Variants in FBXO25 observed in about 807,000 individuals in gnomAD.
FBXO25 encodes the protein F-box protein 25, also known as F-box only protein 25.
Under a neutral mutation model 51.9 loss-of-function variants are expected in FBXO25, and 45 were observed. The observed-to-expected ratio is 0.87, with a 90% CI of 0.68 to 1.11. The LOEUF (loss-of-function observed/expected upper bound fraction) is 1.11. Ranked by LOEUF, FBXO25 falls within the 50% of genes most tolerant of loss-of-function variation. The pLI is 0.00. For missense variants in FBXO25, 507 were observed against 428.5 expected, an observed-to-expected ratio of 1.18 and a Z score of -1.62; for synonymous variants, 199 against 151.0, an observed-to-expected ratio of 1.32 and a Z score of -2.33.
chr8:464,845 TTC>T (rs1013187990), intron 9 of FBXO25, among the ~76,000 whole-genome samples: 3 of 152,236 alleles, frequency 2.0e-5, no homozygotes, highest in African/African-American at 4.8e-5. Context: ...TTGGTATGAC[TTC>T]TCTCTTTCCT....
chr8:468,147 C>T (rs972145337), intron 9 of FBXO25: 2 of 1,030,766 alleles, frequency 1.9e-6, no homozygotes, highest in South Asian at 4.1e-5. Context: ...TCTGTCGTCA[C>T]TTCTCATATT....
intron 1 of FBXO25, among the ~76,000 whole-genome samples, chr8:409,853 A>G (rs1312615098): frequency 6.6e-6 from 1 of 152,204 alleles, no homozygotes; most frequent in Non-Finnish European, 1.5e-5. Flanking sequence ...ACGTTTAATT[A>G]CTGACAGAAT....
At chr8:439,879 G>A (rs1422249171) in intron 5 of FBXO25, among the ~76,000 whole-genome samples, 4 of 152,224 alleles carry the variant, frequency 2.6e-5, no homozygotes. Flanking sequence ...GCCAGCCTGG[G>A]CAACATAGGG....
At chr8:444,280 ATGT>A in intron 5 of FBXO25, among the ~76,000 whole-genome samples, 1 of 152,256 alleles carries the variant, frequency 6.6e-6, no homozygotes, top group Non-Finnish European at 1.5e-5. Flanking sequence ...GAGGTAGTGG[ATGT>A]TGTTGTTTCT....
At position 474,487 on chromosome 8, in the gene FBXO25, C is replaced by T. The variant is rs944977790; in HGVS notation, c.*5683C>T. 22 of 330,662 alleles carry T rather than the reference C, an allele frequency of 6.7e-5. No individual in the cohort carries two copies. Among genetic ancestry groups the T allele is most frequent in the Admixed American group, 1.9e-4 (4 of 21,418 alleles). The allele number at this position is 330,662 out of a possible 1,614,324, so 20.5% of individuals were successfully genotyped here. A position where few individuals can be genotyped will look rare whatever the true frequency, so the allele number is the denominator to read the frequency against. ...AGGGCACTGCCATAAGTGTTTTACA[C>T]GGTGGCTGCACCATTTTACATTCCC... On this transcript the variant is annotated 3_prime_UTR_variant, in exon 10 of 10. Coordinates refer to ENST00000350302, the MANE Select transcript of FBXO25 (RefSeq NM_183420.2).
rs1316089079 is a variant in FBXO25, at chr8:474,762, A to G, written c.*5958A>G. On this transcript the variant is annotated 3_prime_UTR_variant, in exon 10 of 10. Coordinates refer to ENST00000350302, the MANE Select transcript of FBXO25 (RefSeq NM_183420.2). Reference sequence around the variant, plus strand: ...GGTATTCACCCTTTTCAGATATATCATTTTAAAATACTTTGTCCCATTCCG... The same window carrying G: ...GGTATTCACCCTTTTCAGATATATCGTTTTAAAATACTTTGTCCCATTCCG... 2.2e-6 allele frequency: 1 copy of G among 456,566 alleles called. No individual in the cohort carries two copies. The highest frequency in any genetic ancestry group is 6.9e-5 in the East Asian group (1 of 14,410). The allele number at this position is 456,566 out of a possible 1,614,324, so 28.3% of individuals were successfully genotyped here. A position where few individuals can be genotyped will look rare whatever the true frequency, so the allele number is the denominator to read the frequency against.
At chr8:415,009 G>A (rs1796712102) in intron 2 of FBXO25, among the ~76,000 whole-genome samples, 1 of 152,078 alleles carries the variant, frequency 6.6e-6, no homozygotes, top group South Asian at 2.1e-4. Context: ...CCTTTCTCTG[G>A]AAGGAAAAAC....
chr8:467,019 C>T (rs1234784400), intron 9 of FBXO25, among the ~76,000 whole-genome samples: 1 of 152,184 alleles, frequency 6.6e-6, no homozygotes, highest in East Asian at 1.9e-4. Context: ...GGCTGGCCAT[C>T]TGACGTTCAC....
rs1327477915 is a variant in FBXO25 at position 449,903 on chromosome 8, C to A, written c.382-87C>A. Reference sequence around the variant, plus strand: ...TAATTTAGGATGGCATGTTAGAAATCTTCATGCATGTGTGTTATATCACTG... The same window carrying A: ...TAATTTAGGATGGCATGTTAGAAATATTCATGCATGTGTGTTATATCACTG... On this transcript the variant is annotated intron_variant, in intron 5 of 9. Coordinates refer to ENST00000350302, the MANE Select transcript of FBXO25 (RefSeq NM_183420.2). The A allele has an allele frequency of 3.1e-5, 27 of 882,512 alleles. 1 individual carries two copies. The South Asian group carries it at 3.6e-4, about 12-fold the overall frequency. 54.7% of individuals were successfully genotyped at this position (882,512 alleles called of 1,614,324 possible).
At chr8:418,616 A>G (rs1796960684) in intron 2 of FBXO25, among the ~76,000 whole-genome samples, 1 of 152,132 alleles carries the variant, frequency 6.6e-6, no homozygotes. Flanking sequence ...CTGGGATTAC[A>G]TGCGTGAGCC....
intron 2 of FBXO25, among the ~76,000 whole-genome samples, chr8:418,962 A>C (rs557477068): frequency 3.9e-5 from 6 of 152,326 alleles, no homozygotes; most frequent in African/African-American, 1.4e-4. Flanking sequence ...GTATTTTCAC[A>C]ATGTAAAGTA....
In FBXO25 at chr8:472,365, C is replaced by A. The variant is rs1046028006; in HGVS notation, c.*3561C>A. 5.3e-5 allele frequency: 8 copies of A among 152,178 alleles called. No homozygotes were observed. The highest frequency in any genetic ancestry group is 4.6e-4 in the Admixed American group (7 of 15,278). The allele number at this position is 152,178 out of a possible 1,614,324, so 9.4% of individuals were successfully genotyped here. A position where few individuals can be genotyped will look rare whatever the true frequency, so the allele number is the denominator to read the frequency against. On this transcript the variant is annotated 3_prime_UTR_variant, in exon 10 of 10. Transcript: ENST00000350302. Reference sequence around the variant, plus strand: ...GTGCTGTTATTACATTGACTGATTTCTATATCTTGAACCAACCTTGCATTC... The same window carrying A: ...GTGCTGTTATTACATTGACTGATTTATATATCTTGAACCAACCTTGCATTC...
chr8:449,121 C>G (rs2116710208), intron 5 of FBXO25, among the ~76,000 whole-genome samples: 1 of 152,254 alleles, frequency 6.6e-6, no homozygotes, highest in South Asian at 2.1e-4. Flanking sequence ...AAGTGAAACC[C>G]AACTCCAAGT....
intron 2 of FBXO25, among the ~76,000 whole-genome samples, chr8:416,037 G>A (rs1330522334): frequency 1.3e-5 from 2 of 152,126 alleles, no homozygotes; most frequent in African/African-American, 2.4e-5. Context: ...GCTCAGTCTT[G>A]GCAGAGACTC....
At chr8:448,309 T>C (rs1269556076) in intron 5 of FBXO25, among the ~76,000 whole-genome samples, 3 of 152,158 alleles carry the variant, frequency 2.0e-5, no homozygotes, top group Non-Finnish European at 4.4e-5. Context: ...GTGTGCCATA[T>C]CCTACAGGAA....
intron 1 of FBXO25, among the ~76,000 whole-genome samples, chr8:411,355 G>T (rs535797428): frequency 1.3e-5 from 2 of 151,932 alleles, no homozygotes; most frequent in African/African-American, 4.8e-5. Flanking sequence ...CTACCTTTTT[G>T]GCTCTTCCTT....
chr8:421,999 C>T (rs1797183972), intron 2 of FBXO25, among the ~76,000 whole-genome samples: 1 of 152,208 alleles, frequency 6.6e-6, no homozygotes, highest in Non-Finnish European at 1.5e-5. Context: ...AGGAACAGTT[C>T]TTCCTTGTAG....
chr8:430,390 C>T (rs933109956), intron 2 of FBXO25, among the ~76,000 whole-genome samples: 10 of 151,824 alleles, frequency 6.6e-5, no homozygotes, highest in East Asian at 3.9e-4. Flanking sequence ...CTGTTGGCAC[C>T]GCTGTTTAAG....
chr8:440,187 A>C (rs1258275623), intron 5 of FBXO25, among the ~76,000 whole-genome samples: 1 of 152,200 alleles, frequency 6.6e-6, no homozygotes, highest in African/African-American at 2.4e-5. Flanking sequence ...AGGGATCTCA[A>C]GCATATGACT....
Sources: gnomAD v4.1 joint callset for allele counts (sites outside exome capture counted in the v4.1 genomes callset) on GRCh38, gnomAD v4.1.1 for gene constraint, MANE v1.5 for transcripts, NCBI Gene and HGNC (gene_info 2026-07-23, HGNC 2026-07-21) for gene names.